The following SYNJ2BP variants were observed in gnomAD, a reference collection of about 807,000 sequenced individuals.
SYNJ2BP encodes the protein synaptojanin 2 binding protein, also known as synaptojanin-2-binding protein.
Under a neutral mutation model 16.9 loss-of-function variants are expected in SYNJ2BP, and 10 were observed. The ratio of observed to expected loss-of-function variants is 0.59; its 90% CI spans 0.36 to 1.00. The LOEUF is 1.00. SYNJ2BP is among the 50% of genes least tolerant of loss of function. SYNJ2BP has a pLI of 0.01. For synonymous variants in SYNJ2BP, 54 were observed against 68.4 expected, an observed-to-expected ratio of 0.79 and a Z score of 1.04; for missense variants, 162 against 186.7, an observed-to-expected ratio of 0.87 and a Z score of 0.77.
At chr14:70,396,888 T>C (rs1188977970) in intron 1 of SYNJ2BP, among the ~76,000 whole-genome samples, 1 of 152,214 alleles carries the variant, frequency 6.6e-6, no homozygotes, top group African/African-American at 2.4e-5. Flanking sequence ...GGATATTAAC[T>C]TCTTAGCAAA....
intron 1 of SYNJ2BP, among the ~76,000 whole-genome samples, chr14:70,404,502 A>G (rs978534848): frequency 7.9e-5 from 12 of 152,244 alleles, no homozygotes; most frequent in African/African-American, 2.9e-4. Flanking sequence ...AGTCATTTAC[A>G]TGGTATAGAA....
chr14:70,401,804 A>G (rs1422340285), intron 1 of SYNJ2BP, among the ~76,000 whole-genome samples: 2 of 151,466 alleles, frequency 1.3e-5, no homozygotes, highest in Admixed American at 6.6e-5. Flanking sequence ...CACCACACCC[A>G]GCTAATGTTT....
intron 1 of SYNJ2BP, among the ~76,000 whole-genome samples, chr14:70,389,629 A>G (rs934635834): frequency 6.6e-6 from 1 of 152,224 alleles, no homozygotes; most frequent in Non-Finnish European, 1.5e-5. Context: ...TACCAGTTGA[A>G]TATCCCTAAT....
At chr14:70,410,092 TG>T (rs1318598734) in intron 1 of SYNJ2BP, among the ~76,000 whole-genome samples, 1 of 152,090 alleles carries the variant, frequency 6.6e-6, no homozygotes, top group Non-Finnish European at 1.5e-5. Context: ...TACTCCAGAC[TG>T]GGGGACAGAG....
intron 2 of SYNJ2BP, among the ~76,000 whole-genome samples, chr14:70,378,009 C>T (rs1224555083): frequency 6.6e-6 from 1 of 152,230 alleles, no homozygotes; most frequent in Non-Finnish European, 1.5e-5. Flanking sequence ...TCACCAATAA[C>T]TTCCAATCAC....
chr14:70,376,399 G>T (rs1057411146), intron 2 of SYNJ2BP, among the ~76,000 whole-genome samples: 1 of 152,140 alleles, frequency 6.6e-6, no homozygotes, highest in Non-Finnish European at 1.5e-5. Flanking sequence ...AAAAATTTCA[G>T]TGTAGGTCAC....
At position 70,416,889 on chromosome 14, in the gene SYNJ2BP, T is replaced by C; in HGVS notation, c.64+11A>G. ...TCCCCTACTGTCAGATATGACCCTT[T>C]CCGCACATACCTGAGGGCCCTCTGG... On this transcript the variant is annotated intron_variant, in intron 1 of 3. Transcript: ENST00000256366. 1 of 1,614,114 alleles carries C rather than the reference T, an allele frequency of 6.2e-7. No individual in the cohort carries two copies. Among genetic ancestry groups the C allele is most frequent in the South Asian group, 1.1e-5 (1 of 91,078 alleles).
At chr14:70,408,001 A>G (rs969456308) in intron 1 of SYNJ2BP, among the ~76,000 whole-genome samples, 5 of 152,154 alleles carry the variant, frequency 3.3e-5, no homozygotes, top group Non-Finnish European at 5.9e-5. Flanking sequence ...TCAATTGACT[A>G]TTATTGGAAT....
At position 70,416,942 on chromosome 14, in the gene SYNJ2BP, A is replaced by G. The variant is rs78788622; in HGVS notation, c.22T>C (p.Leu8=). MNGRVDY[L]VTEEEINLTR... is the part of the protein sequence containing the mutation. ...AGATTGATCTCTTCCTCAGTGACCA[A>G]ATAATCCACTCTTCCGTTCATGTTT... The change falls in exon 1 of 4, where the codon TTG becomes CTG. Residue 8 remains leucine, a synonymous_variant. Coordinates refer to ENST00000256366, the MANE Select transcript of SYNJ2BP (RefSeq NM_018373.3). 12 of 1,614,092 alleles carry G rather than the reference A, an allele frequency of 7.4e-6. No individual in the cohort carries two copies. In the African/African-American group the frequency reaches 1.5e-4, roughly 20 times the overall value.
At chr14:70,382,615 T>A (rs1025046568) in intron 2 of SYNJ2BP, among the ~76,000 whole-genome samples, 2 of 152,198 alleles carry the variant, frequency 1.3e-5, no homozygotes, top group Admixed American at 1.3e-4. Context: ...CAGAAGCTAC[T>A]CGGCTGAGTA....
In SYNJ2BP at chr14:70,388,617, C is replaced by A. The variant is rs1270072976; in HGVS notation, c.65-11G>T. The A allele has an allele frequency of 6.8e-7, 1 of 1,473,788 alleles. No individual in the cohort carries two copies. The highest frequency in any genetic ancestry group is 9.0e-7 in the Non-Finnish European group (1 of 1,109,646). 91.3% of individuals were successfully genotyped at this position (1,473,788 alleles called of 1,614,324 possible). A position where few individuals can be genotyped will look rare whatever the true frequency, so the allele number is the denominator to read the frequency against. ...TGTTGAAGCCCAGCCCTGAGAAAAT[C>A]ATGGAGGAGTAAAAAGATGGGGGTG... is the stretch of plus-strand genomic sequence containing the variant. On this transcript the variant is annotated splice_polypyrimidine_tract_variant and intron_variant, in intron 1 of 3. Coordinates refer to ENST00000256366, the MANE Select transcript of SYNJ2BP (RefSeq NM_018373.3).
At chr14:70,413,849 A>G (rs1301292192) in intron 1 of SYNJ2BP, among the ~76,000 whole-genome samples, 1 of 152,204 alleles carries the variant, frequency 6.6e-6, no homozygotes, top group Non-Finnish European at 1.5e-5. Context: ...GACAGAACAC[A>G]AAGGGGGAAT....
chr14:70,385,943 A>C (rs1050808568), intron 2 of SYNJ2BP, among the ~76,000 whole-genome samples: 2 of 152,218 alleles, frequency 1.3e-5, no homozygotes, highest in African/African-American at 4.8e-5. Flanking sequence ...TATTAAACAA[A>C]ATAAATTTCA....
chr14:70,407,118 A>G lies in SYNJ2BP; in HGVS notation c.64+9782T>C, dbSNP rs538503299. Among the ~76,000 whole-genome samples the G allele has an allele frequency of 2.0e-5, 3 of 147,362 alleles. No individual in the cohort carries two copies. The South Asian group carries it at 6.4e-4, about 31-fold the overall frequency. On this transcript the variant is annotated intron_variant, in intron 1 of 3. Coordinates refer to ENST00000256366, the MANE Select transcript of SYNJ2BP (RefSeq NM_018373.3). ...ATTAGGTTGGTGCAAAAGTAATTGC[A>G]GTTTTTGCTATAAAAAATGGCAAAA...
At chr14:70,390,378 T>C (rs1200505490) in intron 1 of SYNJ2BP, among the ~76,000 whole-genome samples, 3 of 152,050 alleles carry the variant, frequency 2.0e-5, no homozygotes, top group African/African-American at 7.2e-5. Flanking sequence ...TAAAGAGACA[T>C]ATGCGGGGGG....
Position 70,372,894 on chromosome 14 carries a change from T to C in SYNJ2BP, c.*97A>G. 3.9e-6 allele frequency: 6 copies of C among 1,543,138 alleles called. No homozygotes were observed. The highest frequency in any genetic ancestry group is 5.2e-6 in the Non-Finnish European group (6 of 1,145,222). Reference sequence around the variant, plus strand: ...GGGTGGGTATCAGTCACTTCAAATCTGGCTATGCAGAGAGAGGGAAAGACA... The same window carrying C: ...GGGTGGGTATCAGTCACTTCAAATCCGGCTATGCAGAGAGAGGGAAAGACA... On this transcript the variant is annotated 3_prime_UTR_variant, in exon 4 of 4. Transcript: ENST00000256366.
chr14:70,415,149 G>A (rs576188363), intron 1 of SYNJ2BP, among the ~76,000 whole-genome samples: 84 of 147,104 alleles, frequency 5.7e-4, no homozygotes, highest in African/African-American at 2.0e-3. Flanking sequence ...GACCAGCCTG[G>A]GCAACAAAGT....
chr14:70,380,468 C>A (rs149642891), intron 2 of SYNJ2BP, among the ~76,000 whole-genome samples: 8,976 of 151,950 alleles, frequency 0.059, 384 homozygotes, highest in Non-Finnish European at 0.088. Context: ...TCGAGACCAC[C>A]CTGACCAACA....
At chr14:70,385,684 T>C (rs188507331) in intron 2 of SYNJ2BP, among the ~76,000 whole-genome samples, 234 of 152,316 alleles carry the variant, frequency 1.5e-3, no homozygotes, top group Non-Finnish European at 2.6e-3. Context: ...CCTGGGCTAA[T>C]TTTAGTTTTT....
Sources: gnomAD v4.1 joint callset for allele counts (sites outside exome capture counted in the v4.1 genomes callset) on GRCh38, gnomAD v4.1.1 for gene constraint, MANE v1.5 for transcripts, NCBI Gene and HGNC (gene_info 2026-07-23, HGNC 2026-07-21) for gene names.